KCNAB2: variants seen among roughly 807,000 people sequenced by gnomAD.
The protein encoded by KCNAB2 is voltage-gated potassium channel subunit beta-2.
KCNAB2 carries 29 observed loss-of-function variants against 63.6 expected under a neutral mutation model. The ratio of observed to expected loss-of-function variants is 0.46; its 90% CI spans 0.34 to 0.62. KCNAB2 has a LOEUF of 0.62. Ranked by LOEUF, KCNAB2 falls within the 20% of genes least tolerant of loss-of-function variation. The probability of loss-of-function intolerance (pLI) is 0.01; values close to 1 mark genes in which losing one functional copy is unlikely to be tolerated. For missense variants in KCNAB2, 359 were observed against 563.9 expected, an observed-to-expected ratio of 0.64 and a Z score of 3.68; for synonymous variants, 222 against 224.2, an observed-to-expected ratio of 0.99 and a Z score of 0.09.
chr1:6,094,432 C>CA lies in KCNAB2; in HGVS notation c.680dup (p.Met229AspfsTer36), dbSNP rs1231921684. 1 of 1,612,122 alleles carries CA rather than the reference C, an allele frequency of 6.2e-7. No individual in the cohort carries two copies. The highest frequency in any genetic ancestry group is 8.5e-7 in the Non-Finnish European group (1 of 1,179,590). On this transcript the variant is annotated frameshift_variant, in exon 11 of 16. Transcript: ENST00000378083. LOFTEE classifies it high-confidence loss of function. ...CCGCGCCATGACCCACGTCATCAAC[C>CA]AGGGGATGGCCATGTACTGGGGCAC...
upstream of KCNAB2, chr1:6,041,775 A>G: frequency 1.3e-6 from 2 of 1,484,218 alleles, no homozygotes; most frequent in Non-Finnish European, 9.4e-7. Flanking sequence ...CCAACTGTGG[A>G]CTCTCTCTCT....
chr1:6,091,509 C>T (rs927037289), intron 10 of KCNAB2, among the ~76,000 whole-genome samples: 1 of 152,104 alleles, frequency 6.6e-6, no homozygotes. Context: ...CCCAGCCCCC[C>T]ATCCCCTCGT....
rs34378538 is a variant in KCNAB2 at position 6,063,409 on chromosome 1, A to AT, written c.219-9328dup. ...AGGTTCATCTGTGCCTGTGCCAGTA[A>AT]TTTTTTTTTTTTTTTTTTGAGACAG... On this transcript the variant is annotated intron_variant, in intron 2 of 15. Transcript: ENST00000378083. Among the ~76,000 whole-genome samples, 596 of 137,758 alleles carry AT rather than the reference A, an allele frequency of 4.3e-3. 1 individual carries two copies. The highest frequency in any genetic ancestry group is 7.1e-3 in the East Asian group (33 of 4,662). 90.4% of individuals were successfully genotyped at this position (137,758 alleles called of 152,430 possible).
At chr1:6,090,749 C>G (rs917409249) in intron 9 of KCNAB2, among the ~76,000 whole-genome samples, 15 of 152,202 alleles carry the variant, frequency 9.9e-5, no homozygotes, top group Non-Finnish European at 1.6e-4. Context: ...CCCTCCGAGT[C>G]AGAGCCGCAG....
At chr1:5,998,285 C>A (rs756756356) in intron 1 of KCNAB2, among the ~76,000 whole-genome samples, 1 of 152,188 alleles carries the variant, frequency 6.6e-6, no homozygotes, top group Admixed American at 6.5e-5. Context: ...AAGAGGAGAG[C>A]CCTGGAGCCC....
chr1:6,040,760 C>T, intron 2 of KCNAB2: 2 of 644,344 alleles, frequency 3.1e-6, no homozygotes, highest in Non-Finnish European at 5.5e-6. Context: ...GCAGGGCCCA[C>T]AGGCTTCTGC....
chr1:6,040,309 C>T (rs1660391253), intron 1 of KCNAB2, among the ~76,000 whole-genome samples: 1 of 152,116 alleles, frequency 6.6e-6, no homozygotes, highest in Admixed American at 6.5e-5. Flanking sequence ...GTCACCTGCT[C>T]TCCAGCCCCT....
In KCNAB2 at chr1:6,036,098, G is replaced by A. The variant is rs370417393; in HGVS notation, c.-53+1304G>A. On this transcript the variant is annotated intron_variant, in intron 1 of 15. Coordinates refer to the KCNAB2 transcript ENST00000164247. Reference sequence around the variant, plus strand: ...TGAGGGCAGAGGCTGATTGGAGTTGGTTTATAAGCCGGAAGAAGAAGAGGA... The same window carrying A: ...TGAGGGCAGAGGCTGATTGGAGTTGATTTATAAGCCGGAAGAAGAAGAGGA... 5 of 152,292 alleles carry A rather than the reference G, an allele frequency of 3.3e-5. No individual in the cohort carries two copies. In the East Asian group the frequency reaches 9.6e-4, roughly 29 times the overall value. The allele number at this position is 152,292 out of a possible 1,614,324, so 9.4% of individuals were successfully genotyped here. A position where few individuals can be genotyped will look rare whatever the true frequency, so the allele number is the denominator to read the frequency against.
At chr1:6,044,996 C>T (rs1028599946), upstream of KCNAB2, among the ~76,000 whole-genome samples, 3 of 152,168 alleles carry the variant, frequency 2.0e-5, no homozygotes, top group African/African-American at 7.2e-5. Flanking sequence ...GGCCCCCCGA[C>T]CAGGGCGACA....
chr1:6,095,213 G>A (rs1401624117), intron 11 of KCNAB2, 110 bp from the exon 12 acceptor site: 7 of 1,192,570 alleles, frequency 5.9e-6, no homozygotes, highest in Non-Finnish European at 7.1e-6. Context: ...GGCTGCAGCT[G>A]CTGGGCCAGC....
intron 4 of KCNAB2, among the ~76,000 whole-genome samples, chr1:6,077,067 TC>T (rs1557488431): frequency 1.3e-5 from 2 of 151,844 alleles, no homozygotes; most frequent in African/African-American, 4.8e-5. Flanking sequence ...GCACCTGTAA[TC>T]CCAGCTACTC....
intron 1 of KCNAB2, among the ~76,000 whole-genome samples, chr1:6,004,986 GCA>G (rs1256905801): frequency 1.7e-3 from 147 of 86,266 alleles, no homozygotes; most frequent in South Asian, 2.9e-3. Context: ...GAGGGTGCAG[GCA>G]GAGATCTGGG....
intron 2 of KCNAB2, among the ~76,000 whole-genome samples, chr1:6,058,807 T>G (rs2100577303): frequency 6.6e-6 from 1 of 152,272 alleles, no homozygotes; most frequent in Admixed American, 6.5e-5. Flanking sequence ...ACGCAGGGGC[T>G]GGGAGAAAGC....
In KCNAB2 at chr1:6,011,406, G is replaced by A. The variant is rs1044526663; in HGVS notation, c.-53+18618G>A. On this transcript the variant is annotated intron_variant, in intron 1 of 16. Transcript: ENST00000341524. Reference sequence around the variant, plus strand: ...GGCAGCTGTGCCCAGGGCCAGGTGTGCGGGAGGCGAGGCAGGCAGCTGTGC... The same window carrying A: ...GGCAGCTGTGCCCAGGGCCAGGTGTACGGGAGGCGAGGCAGGCAGCTGTGC... Among the ~76,000 whole-genome samples the A allele has an allele frequency of 7.2e-4, 109 of 151,980 alleles. 1 individual carries two copies. The highest frequency in any genetic ancestry group is 2.3e-3 in the African/African-American group (97 of 41,452).
chr1:6,063,732 A>G (rs1463871773), intron 2 of KCNAB2, among the ~76,000 whole-genome samples: 1 of 152,194 alleles, frequency 6.6e-6, no homozygotes, highest in Non-Finnish European at 1.5e-5. Context: ...TTATGGCTGA[A>G]TAACACTTCA....
chr1:6,022,343 T>C (rs34339319), intron 1 of KCNAB2, among the ~76,000 whole-genome samples: 16,201 of 151,928 alleles, frequency 0.11, 1,134 homozygotes, highest in Non-Finnish European at 0.16. Context: ...TTCATTGGTA[T>C]TGAGTGTACA....
Position 6,039,036 on chromosome 1 carries a change from C to A in KCNAB2, c.-52-1481C>A, listed in dbSNP as rs186122862. ...ACTGCCCTCCTGGAACACACCCCCC[C>A]CAGAGAGGGAACTGGGGCACCACAG... is the stretch of plus-strand genomic sequence containing the variant. On this transcript the variant is annotated intron_variant, in intron 1 of 15. Coordinates refer to the KCNAB2 transcript ENST00000164247. Among the ~76,000 whole-genome samples, 10 of 152,302 alleles carry A rather than the reference C, an allele frequency of 6.6e-5. No homozygotes were observed. The East Asian group carries it at 1.9e-3, about 29-fold the overall frequency.
chr1:6,090,218 G>A (rs1241446436), intron 8 of KCNAB2, among the ~76,000 whole-genome samples, 171 bp from the exon 9 acceptor site: 1 of 152,052 alleles, frequency 6.6e-6, no homozygotes, highest in African/African-American at 2.4e-5. Context: ...CCTGTGGGAT[G>A]TGCCCCCACC....
At chr1:6,005,919 C>T (rs1224281947) in intron 1 of KCNAB2, among the ~76,000 whole-genome samples, 37 of 133,114 alleles carry the variant, frequency 2.8e-4, no homozygotes, top group Non-Finnish European at 9.4e-5. Context: ...TCAGCTCCCA[C>T]ATCCCCCCAC....
Sources: allele counts gnomAD v4.1 joint callset (sites outside exome capture counted in the v4.1 genomes callset), GRCh38; gene constraint gnomAD v4.1.1; transcripts MANE v1.5; gene names NCBI Gene and HGNC (gene_info 2026-07-23, HGNC 2026-07-21).